Variants in SORCS1 observed in about 807,000 individuals in gnomAD.
SORCS1 encodes the protein sortilin related VPS10 domain containing receptor 1.
In SORCS1, 60 loss-of-function variants were observed where a neutral mutation model predicts 146.1. That is an observed-to-expected ratio of 0.41 (90% CI 0.33 to 0.51). SORCS1 has a LOEUF of 0.51. Ranked by LOEUF, SORCS1 falls within the 20% of genes least tolerant of loss-of-function variation. SORCS1 has a pLI of 0.21. For missense variants in SORCS1, 1,352 were observed against 1,487.6 expected, an observed-to-expected ratio of 0.91 and a Z score of 1.50; for synonymous variants, 637 against 584.0, an observed-to-expected ratio of 1.09 and a Z score of -1.31.
intron 12 of SORCS1, 148 bp from the exon 13 acceptor site, chr10:106,677,552 G>A (rs1589643794): frequency 3.1e-6 from 2 of 650,888 alleles, no homozygotes; most frequent in Admixed American, 5.4e-5. Flanking sequence ...CTATAGAACA[G>A]TTCTTCCCAA....
At chr10:106,717,436 A>G (rs901445012) in intron 6 of SORCS1, among the ~76,000 whole-genome samples, 1 of 152,256 alleles carries the variant, frequency 6.6e-6, no homozygotes, top group African/African-American at 2.4e-5. Flanking sequence ...CACAGAGGAC[A>G]AGATACTTCT....
rs1844715454 is a variant in SORCS1 at position 106,578,759 on chromosome 10, G to C, written c.3371+610C>G. On this transcript the variant is annotated intron_variant, in intron 25 of 25. Transcript: ENST00000263054. ...CTCTGGTCCACCAGCCTTAGCCTCT[G>C]AGGCCTCTCCTTCTTATATACTATT... The C allele has an allele frequency of 6.2e-6, 7 of 1,129,886 alleles. No homozygotes were observed. In the South Asian group the frequency reaches 1.5e-4, roughly 24 times the overall value. The allele number at this position is 1,129,886 out of a possible 1,614,324, so 70.0% of individuals were successfully genotyped here.
chr10:106,644,556 G>A (rs557114084), intron 18 of SORCS1, among the ~76,000 whole-genome samples: 8 of 152,046 alleles, frequency 5.3e-5, no homozygotes, highest in African/African-American at 1.4e-4. Flanking sequence ...TAGTAGAGAC[G>A]GGGTTTCACT....
At position 106,576,009 on chromosome 10, in the gene SORCS1, T is replaced by A. The variant is rs1844559465; in HGVS notation, c.*1411A>T. The A allele has an allele frequency of 6.6e-6, 1 of 152,500 alleles. No individual in the cohort carries two copies. The highest frequency in any genetic ancestry group is 2.4e-5 in the African/African-American group (1 of 41,468). 9.4% of individuals were successfully genotyped at this position (152,500 alleles called of 1,614,324 possible). A position where few individuals can be genotyped will look rare whatever the true frequency, so the allele number is the denominator to read the frequency against. ...ATCGCACGAGATTTTCGTTAAGGTG[T>A]GAGAACACCACAATTCATCTCTATG... On this transcript the variant is annotated 3_prime_UTR_variant, in exon 26 of 26. Transcript: ENST00000263054.
chr10:106,852,057 A>G (rs897961242), intron 2 of SORCS1, among the ~76,000 whole-genome samples: 4 of 152,134 alleles, frequency 2.6e-5, no homozygotes, highest in African/African-American at 9.7e-5. Flanking sequence ...TCTTGCTACA[A>G]TTACTTATTA....
At chr10:106,766,682 G>C (rs934166848) in intron 4 of SORCS1, among the ~76,000 whole-genome samples, 1 of 152,164 alleles carries the variant, frequency 6.6e-6, no homozygotes, top group African/African-American at 2.4e-5. Context: ...AAAGAGCCAT[G>C]ATGCCCAATC....
At chr10:106,918,820 T>C (rs940395254) in intron 2 of SORCS1, among the ~76,000 whole-genome samples, 3 of 151,994 alleles carry the variant, frequency 2.0e-5, no homozygotes, top group Non-Finnish European at 2.9e-5. Flanking sequence ...TTGAAAATAA[T>C]TGAAAATTGT....
chr10:106,798,727 G>A (rs997098932), intron 3 of SORCS1, among the ~76,000 whole-genome samples: 2 of 152,164 alleles, frequency 1.3e-5, no homozygotes, highest in Non-Finnish European at 2.9e-5. Flanking sequence ...TTGCTATTGT[G>A]AATAGTGCCG....
intron 2 of SORCS1, among the ~76,000 whole-genome samples, chr10:106,850,217 G>T (rs1221561825): frequency 6.6e-6 from 1 of 152,016 alleles, no homozygotes; most frequent in Non-Finnish European, 1.5e-5. Context: ...ATCTCAGACT[G>T]CTGTGCTAGC....
At chr10:106,616,880 A>G (rs1317041803) in intron 21 of SORCS1, among the ~76,000 whole-genome samples, 6 of 152,154 alleles carry the variant, frequency 3.9e-5, no homozygotes, top group South Asian at 4.1e-4. Context: ...ATCAAAATCA[A>G]CTGATAAGGG....
intron 2 of SORCS1, among the ~76,000 whole-genome samples, chr10:106,892,596 T>C (rs1951278760): frequency 6.6e-6 from 1 of 152,250 alleles, no homozygotes; most frequent in Non-Finnish European, 1.5e-5. Flanking sequence ...CATTCATTTA[T>C]ACATTCATTC....
In SORCS1 at chr10:106,890,902, G is replaced by C. The variant is rs143210283; in HGVS notation, c.627-61229C>G. Reference sequence around the variant, plus strand: ...ATTGAATAAATAATCCTATGAAGCAGAGTTCAGAGCATCGATTCTACTTTA... The same window carrying C: ...ATTGAATAAATAATCCTATGAAGCACAGTTCAGAGCATCGATTCTACTTTA... On this transcript the variant is annotated intron_variant, in intron 2 of 25. Coordinates refer to ENST00000263054, the MANE Select transcript of SORCS1 (RefSeq NM_052918.5). Among the ~76,000 whole-genome samples the C allele has an allele frequency of 1.2e-4, 19 of 152,118 alleles. No individual in the cohort carries two copies. In the East Asian group the frequency reaches 3.5e-3, roughly 28 times the overall value.
At position 106,698,816 on chromosome 10, in the gene SORCS1, T is replaced by C. The variant is rs1050735420; in HGVS notation, c.1413+398A>G. Reference sequence around the variant, plus strand: ...GTCTTCTGCTGGATGCAGGAGACCTTATCCCCTTCATTCTTTCTTCTGAGA... The same window carrying C: ...GTCTTCTGCTGGATGCAGGAGACCTCATCCCCTTCATTCTTTCTTCTGAGA... On this transcript the variant is annotated intron_variant, in intron 9 of 25. Coordinates refer to ENST00000263054, the MANE Select transcript of SORCS1 (RefSeq NM_052918.5). 3.3e-5 allele frequency among the ~76,000 whole-genome samples: 5 copies of C among 152,140 alleles called. No homozygotes were observed. The East Asian group carries it at 9.7e-4, about 29-fold the overall frequency.
chr10:107,046,252 A>T (rs1959421525), intron 1 of SORCS1, among the ~76,000 whole-genome samples: 1 of 151,908 alleles, frequency 6.6e-6, no homozygotes, highest in Non-Finnish European at 1.5e-5. Context: ...CCACCTGGCT[A>T]ATTTTTAAAT....
intron 1 of SORCS1, among the ~76,000 whole-genome samples, chr10:106,977,510 G>A (rs1432927134): frequency 1.3e-5 from 2 of 150,636 alleles, no homozygotes; most frequent in East Asian, 3.9e-4. Context: ...ACAATCATCT[G>A]TGCTTCTTTA....
chr10:107,113,083 C>T (rs1278996995), intron 1 of SORCS1, among the ~76,000 whole-genome samples: 1 of 152,148 alleles, frequency 6.6e-6, no homozygotes, highest in Non-Finnish European at 1.5e-5. Context: ...TGAACTTTCT[C>T]CATGATAGAT....
At chr10:106,664,326 T>C (rs1446826283) in intron 17 of SORCS1, among the ~76,000 whole-genome samples, 1 of 152,230 alleles carries the variant, frequency 6.6e-6, no homozygotes, top group East Asian at 1.9e-4. Flanking sequence ...TGATGTTTTA[T>C]TTGATGTTAG....
At position 107,058,135 on chromosome 10, in the gene SORCS1, G is replaced by A. The variant is rs191144497; in HGVS notation, c.559-101555C>T. On this transcript the variant is annotated intron_variant, in intron 1 of 25. Coordinates refer to ENST00000263054, the MANE Select transcript of SORCS1 (RefSeq NM_052918.5). ...TGGCTCACTGCAAACTCCACCTCCC[G>A]GGATCACGCCATTCTCCTGCCTCAG... Among the ~76,000 whole-genome samples the A allele has an allele frequency of 7.4e-3, 1,128 of 152,244 alleles. 11 individuals are homozygous for A. The highest frequency in any genetic ancestry group is 0.025 in the African/African-American group (1,058 of 41,542).
At position 106,657,795 on chromosome 10, in the gene SORCS1, TG is replaced by T. The variant is rs1850419992; in HGVS notation, c.2304-5243del. On this transcript the variant is annotated intron_variant, in intron 17 of 25. Transcript: ENST00000263054. ...AATTCATTCTCTTACTCTATGAATT[TG>T]GGCAATTTACCCATCCTCTCTCAAA... Among the ~76,000 whole-genome samples the T allele has an allele frequency of 3.3e-5, 5 of 151,996 alleles. No individual in the cohort carries two copies. The South Asian group carries it at 1.0e-3, about 32-fold the overall frequency.
Sources: allele counts gnomAD v4.1 joint callset (sites outside exome capture counted in the v4.1 genomes callset), GRCh38; gene constraint gnomAD v4.1.1; transcripts MANE v1.5; gene names NCBI Gene and HGNC (gene_info 2026-07-23, HGNC 2026-07-21).